Variants in DNAJC2 observed in about 807,000 individuals in gnomAD.
The protein encoded by DNAJC2 is DnaJ heat shock protein family (Hsp40) member C2, also known as dnaJ homolog subfamily C member 2.
A neutral mutation model predicts 94.0 loss-of-function variants in DNAJC2; 32 were observed. The ratio of observed to expected loss-of-function variants is 0.34; its 90% CI spans 0.26 to 0.46. DNAJC2 has a LOEUF of 0.46. DNAJC2 is among the 20% of genes least tolerant of loss of function. DNAJC2 has a pLI of 1.00. For missense variants in DNAJC2, 550 were observed against 719.5 expected, an observed-to-expected ratio of 0.76 and a Z score of 2.69; for synonymous variants, 210 against 229.7, an observed-to-expected ratio of 0.91 and a Z score of 0.77.
intron 4 of DNAJC2, chr7:103,327,343 G>A (rs1467581656): frequency 7.7e-7 from 1 of 1,292,678 alleles, no homozygotes; most frequent in Non-Finnish European, 1.0e-6. Context: ...TGAATTAACT[G>A]TAGGATGAGC....
intron 2 of DNAJC2, among the ~76,000 whole-genome samples, chr7:103,341,171 T>A (rs1276276641): frequency 6.6e-6 from 1 of 152,234 alleles, no homozygotes; most frequent in Non-Finnish European, 1.5e-5. Flanking sequence ...ACTAGCCCTA[T>A]AACAGTAAAC....
chr7:103,337,417 A>G, intron 3 of DNAJC2: 1 of 206,332 alleles, frequency 4.8e-6, no homozygotes, highest in East Asian at 1.1e-4. Context: ...GTATCCACTA[A>G]GTGCAGCTGC....
chr7:103,319,757 T>G lies in DNAJC2; in HGVS notation c.1171A>C (p.Ser391Arg). ...TCAATAGCAGTTCCATAGGTATACC[T>G]TGCCAGTTCAAGCCGATCACAAAGT... ...EKLCDRLELASLQCLNETLTS... is the reference protein window; with the variant it reads ...EKLCDRLELARLQCLNETLTS... The change falls in exon 11 of 17, where the codon AGC (serine) becomes CGC (arginine). Residue 391 changes from serine (S) to arginine (R), a missense_variant and splice_region_variant. Around this residue, in one of 2 missense-constraint regions of DNAJC2, gnomAD observed 271 missense variants for 302.6 expected, o/e 0.90. Coordinates refer to ENST00000379263, the MANE Select transcript of DNAJC2 (RefSeq NM_014377.3). The G allele has an allele frequency of 6.2e-7, 1 of 1,614,186 alleles. No homozygotes were observed. The highest frequency in any genetic ancestry group is 8.5e-7 in the Non-Finnish European group (1 of 1,180,016).
At chr7:103,343,778 G>A (rs749659472) in intron 1 of DNAJC2, among the ~76,000 whole-genome samples, 14 of 152,194 alleles carry the variant, frequency 9.2e-5, no homozygotes, top group Non-Finnish European at 1.5e-4. Flanking sequence ...TACCTGTGTA[G>A]TATGGGTGTG....
chr7:103,327,269 T>G, intron 4 of DNAJC2: 1 of 917,042 alleles, frequency 1.1e-6, no homozygotes, highest in African/African-American at 1.8e-5. Context: ...TTTAGTCCCA[T>G]AAAGCATCTG....
chr7:103,320,576 C>G (rs1244709616), intron 10 of DNAJC2, among the ~76,000 whole-genome samples: 1 of 151,172 alleles, frequency 6.6e-6, no homozygotes, highest in Non-Finnish European at 1.5e-5. Context: ...CTGGCTAACA[C>G]AGTGAAACCC....
intron 5 of DNAJC2, among the ~76,000 whole-genome samples, chr7:103,326,186 C>T (rs1006394453): frequency 1.3e-5 from 2 of 152,102 alleles, no homozygotes; most frequent in Admixed American, 6.5e-5. Flanking sequence ...CCATGTTGGC[C>T]AGGCTGGTCT....
chr7:103,320,830 CTTT>C (rs745754898), intron 10 of DNAJC2: 379 of 113,626 alleles, frequency 3.3e-3, no homozygotes, highest in South Asian at 4.9e-3. Flanking sequence ...CTCAGCATGT[CTTT>C]TTTTTTTTTT....
chr7:103,338,145 C>T (rs962413588), intron 2 of DNAJC2, among the ~76,000 whole-genome samples: 1 of 152,010 alleles, frequency 6.6e-6, no homozygotes, highest in Non-Finnish European at 1.5e-5. Flanking sequence ...TGGTGTGCAC[C>T]TGTAGTTCCA....
At chr7:103,321,890 A>G (rs1818441334) in intron 10 of DNAJC2, 42 bp downstream of exon 10, 2 of 1,560,438 alleles carry the variant, frequency 1.3e-6, no homozygotes, top group South Asian at 2.4e-5. Flanking sequence ...TTAATAAGCA[A>G]CTTGATTTAC....
rs182385768 is a variant in DNAJC2 at position 103,315,354 on chromosome 7, C to T, written c.1636+410G>A. On this transcript the variant is annotated intron_variant, in intron 15 of 16. Coordinates refer to ENST00000379263, the MANE Select transcript of DNAJC2 (RefSeq NM_014377.3). Reference sequence around the variant, plus strand: ...CCTATATGTACAGACATACTTTGAACCATAAGTTACAGACATGATGCCTCT... The same window carrying T: ...CCTATATGTACAGACATACTTTGAATCATAAGTTACAGACATGATGCCTCT... 1.0e-3 allele frequency among the ~76,000 whole-genome samples: 155 copies of T among 152,170 alleles called. 1 individual carries two copies. The highest frequency in any genetic ancestry group is 1.6e-3 in the Non-Finnish European group (110 of 67,992).
chr7:103,323,999 T>G (rs893895863), intron 6 of DNAJC2, among the ~76,000 whole-genome samples: 1 of 152,240 alleles, frequency 6.6e-6, no homozygotes, highest in Non-Finnish European at 1.5e-5. Flanking sequence ...ATCTCCAGTT[T>G]GTATCCTCTG....
chr7:103,313,381 C>T (rs1217205787), intron 15 of DNAJC2: 58 of 1,105,254 alleles, frequency 5.2e-5, no homozygotes, highest in Non-Finnish European at 6.1e-5. Flanking sequence ...ATGTAATACA[C>T]TCACCAGACT....
chr7:103,333,950 C>T (rs1819066963), intron 3 of DNAJC2, among the ~76,000 whole-genome samples: 1 of 148,754 alleles, frequency 6.7e-6, no homozygotes, highest in African/African-American at 2.5e-5. Flanking sequence ...CTGTTGTGAA[C>T]ATTTTTTTTT....
At chr7:103,344,465 G>A (rs1194652571) in intron 1 of DNAJC2, 94 bp downstream of exon 1, 13 of 1,442,212 alleles carry the variant, frequency 9.0e-6, no homozygotes, top group Admixed American at 1.7e-5. Context: ...TAGTCGCCAG[G>A]GTCAAGGGTA....
intron 3 of DNAJC2, among the ~76,000 whole-genome samples, chr7:103,334,948 C>T (rs906091273): frequency 3.3e-5 from 5 of 152,044 alleles, no homozygotes; most frequent in East Asian, 1.9e-4. Context: ...GTTCTCGTGC[C>T]GCAGCCGCCC....
intron 15 of DNAJC2, chr7:103,313,571 A>G (rs1817879094): frequency 1.0e-6 from 1 of 982,548 alleles, no homozygotes; most frequent in Non-Finnish European, 1.2e-6. Context: ...ACACTGAAGG[A>G]AACAAACCTA....
chr7:103,337,705 T>C (rs1033210318), intron 3 of DNAJC2, 31 bp downstream of exon 3: 2 of 1,548,844 alleles, frequency 1.3e-6, no homozygotes, highest in South Asian at 1.1e-5. Context: ...ATACAAGATA[T>C]TTGATTATTT....
chr7:103,319,558 A>G (rs1229094102), intron 12 of DNAJC2, 51 bp downstream of exon 12: 1 of 1,561,222 alleles, frequency 6.4e-7, no homozygotes, highest in Non-Finnish European at 8.8e-7. Flanking sequence ...AAACAGGTCA[A>G]AGCAGAATTA....
Sources: gnomAD v4.1 joint callset for allele counts (sites outside exome capture counted in the v4.1 genomes callset) on GRCh38, gnomAD v4.1.1 for gene constraint, gnomAD v4.1.1 regional missense constraint, MANE v1.5 for transcripts, NCBI Gene and HGNC (gene_info 2026-07-23, HGNC 2026-07-21) for gene names.